The following FBN2 variants were observed in gnomAD, a reference collection of about 807,000 sequenced individuals.
FBN2 encodes the protein fibrillin-2.
FBN2 carries 105 observed loss-of-function variants against 355.6 expected under a neutral mutation model. The ratio of observed to expected loss-of-function variants is 0.30; its 90% CI spans 0.25 to 0.35. The LOEUF (loss-of-function observed/expected upper bound fraction) is 0.35. FBN2 is among the 10% of genes least tolerant of loss of function. The probability of loss-of-function intolerance (pLI) is 1.00; values close to 1 mark genes in which losing one functional copy is unlikely to be tolerated. For missense variants in FBN2, 3,280 were observed against 3,758.7 expected (o/e 0.87, Z 3.33); for synonymous variants, 1,350 against 1,301.2 (o/e 1.04, Z -0.81).
chr5:128,366,926 T>C (rs1751787449), intron 16 of FBN2, among the ~76,000 whole-genome samples: 3 of 152,176 alleles, frequency 2.0e-5, no homozygotes, highest in Non-Finnish European at 4.4e-5. Flanking sequence ...TGCAGTAACT[T>C]GACCAAAGTC....
intron 24 of FBN2, 129 bp downstream of exon 24, chr5:128,345,228 C>G: frequency 1.2e-6 from 1 of 804,018 alleles, no homozygotes; most frequent in Non-Finnish European, 2.2e-6. Flanking sequence ...GAACATTGGT[C>G]ACAAAACCTA....
intron 48 of FBN2, among the ~76,000 whole-genome samples, chr5:128,293,920 C>T (rs1414664421): frequency 1.3e-5 from 2 of 151,922 alleles, no homozygotes; most frequent in Non-Finnish European, 2.9e-5. Context: ...ATGTGCCATG[C>T]TGGTGTGCTG....
At chr5:128,300,514 T>C (rs982864537) in intron 48 of FBN2, among the ~76,000 whole-genome samples, 4 of 152,230 alleles carry the variant, frequency 2.6e-5, no homozygotes, top group Non-Finnish European at 4.4e-5. Context: ...ATTACAATTT[T>C]TGTAGACACT....
intron 7 of FBN2, among the ~76,000 whole-genome samples, chr5:128,441,119 G>C (rs1753907140): frequency 6.6e-6 from 1 of 151,928 alleles, no homozygotes; most frequent in Non-Finnish European, 1.5e-5. Context: ...GTATTTTTTT[G>C]CCTTCATTTT....
intron 8 of FBN2, among the ~76,000 whole-genome samples, chr5:128,408,227 G>A (rs895287961): frequency 2.0e-5 from 3 of 152,084 alleles, no homozygotes; most frequent in Admixed American, 6.6e-5. Flanking sequence ...ATAAACAAGG[G>A]AGAGCATACA....
At chr5:128,514,072 T>C (rs1383850740) in intron 5 of FBN2, among the ~76,000 whole-genome samples, 1 of 152,050 alleles carries the variant, frequency 6.6e-6, no homozygotes, top group African/African-American at 2.4e-5. Flanking sequence ...GAGTCTGACA[T>C]CTGCAGTTGG....
At chr5:128,469,474 T>G (rs1207396566) in intron 5 of FBN2, among the ~76,000 whole-genome samples, 1 of 142,006 alleles carries the variant, frequency 7.0e-6, no homozygotes, top group African/African-American at 2.7e-5. Context: ...GAGCTTGCAG[T>G]GAGCCAAGAT....
intron 6 of FBN2, among the ~76,000 whole-genome samples, chr5:128,454,876 T>C (rs1754342252): frequency 2.0e-5 from 3 of 152,224 alleles, no homozygotes; most frequent in Admixed American, 2.0e-4. Context: ...TCAATGTTAT[T>C]ATCATCAATG....
At chr5:128,412,384 C>T (rs747167213) in intron 7 of FBN2, among the ~76,000 whole-genome samples, 15 of 152,178 alleles carry the variant, frequency 9.9e-5, no homozygotes, top group Non-Finnish European at 1.5e-4. Context: ...AGTGCTCTCT[C>T]CTGAGAGGAA....
chr5:128,326,632 G>C (rs1167198136), intron 34 of FBN2, among the ~76,000 whole-genome samples: 7 of 152,166 alleles, frequency 4.6e-5, no homozygotes, highest in Non-Finnish European at 1.0e-4. Flanking sequence ...GTAAATTCAG[G>C]AGAAACTGTC....
intron 5 of FBN2, among the ~76,000 whole-genome samples, chr5:128,502,076 A>T (rs1755832600): frequency 6.6e-6 from 1 of 152,166 alleles, no homozygotes; most frequent in South Asian, 2.1e-4. Flanking sequence ...AAAAAACAGC[A>T]AGTGACTTAG....
intron 6 of FBN2, among the ~76,000 whole-genome samples, chr5:128,453,014 G>T (rs1754293686): frequency 6.6e-6 from 1 of 152,042 alleles, no homozygotes; most frequent in South Asian, 2.1e-4. Flanking sequence ...CTAACTTTAA[G>T]GGCAGCAACT....
At position 128,330,613 on chromosome 5, in the gene FBN2, G is replaced by A; in HGVS notation, c.4305C>T (p.Ala1435=). ...CVNTPGSYRC[A]CSEGFTGDGF... is the part of the protein sequence containing the mutation. ...CATCACCAGTGAAACCTTCGGAGCAGGCACAGCGGTATGAGCCCGGGGTAT... is the reference window on the plus strand; with the variant it reads ...CATCACCAGTGAAACCTTCGGAGCAAGCACAGCGGTATGAGCCCGGGGTAT... Residue 1435 remains alanine (A), a synonymous_variant, in exon 33 of 65, where the codon GCC becomes GCT. Coordinates refer to ENST00000262464, the MANE Select transcript of FBN2 (RefSeq NM_001999.4). The A allele has an allele frequency of 6.2e-7, 1 of 1,614,068 alleles. No homozygotes were observed.
At chr5:128,472,257 T>C (rs1250767414) in intron 5 of FBN2, among the ~76,000 whole-genome samples, 6 of 152,058 alleles carry the variant, frequency 3.9e-5, no homozygotes, top group Non-Finnish European at 8.8e-5. Flanking sequence ...AATAAGCCAG[T>C]CACAAAAGGG....
At chr5:128,529,019 AGCCATTT>A (rs1756640576) in intron 3 of FBN2, among the ~76,000 whole-genome samples, 2 of 152,246 alleles carry the variant, frequency 1.3e-5, no homozygotes, top group Admixed American at 1.3e-4. Context: ...TGGATGGCAG[AGCCATTT>A]GCCAAGGCAG....
chr5:128,316,176 TAAG>T (rs1042328822), intron 36 of FBN2, among the ~76,000 whole-genome samples: 7 of 152,184 alleles, frequency 4.6e-5, no homozygotes, highest in African/African-American at 1.7e-4. Context: ...GACAATATAA[TAAG>T]AAAACTGAAG....
At chr5:128,459,673 A>G (rs1322764546) in intron 6 of FBN2, among the ~76,000 whole-genome samples, 1 of 152,254 alleles carries the variant, frequency 6.6e-6, no homozygotes, top group Non-Finnish European at 1.5e-5. Context: ...ACAAATCAAT[A>G]AACGTAATCC....
intron 15 of FBN2, 98 bp from the exon 16 acceptor site, chr5:128,369,432 A>G: frequency 2.6e-6 from 3 of 1,151,172 alleles, no homozygotes; most frequent in Non-Finnish European, 3.8e-6. Context: ...ACTAGACTGG[A>G]AGCTTTTCAA....
At chr5:128,368,098 G>T (rs1311426895) in intron 16 of FBN2, among the ~76,000 whole-genome samples, 1 of 151,762 alleles carries the variant, frequency 6.6e-6, no homozygotes, top group Non-Finnish European at 1.5e-5. Flanking sequence ...GCTACAAATT[G>T]CTCCTTCCTC....
Sources: allele counts gnomAD v4.1 joint callset (sites outside exome capture counted in the v4.1 genomes callset), GRCh38; gene constraint gnomAD v4.1.1; transcripts MANE v1.5; gene names NCBI Gene and HGNC (gene_info 2026-07-23, HGNC 2026-07-21).